The following STAG1 variants were observed in gnomAD, a reference collection of about 807,000 sequenced individuals.
STAG1 encodes the protein STAG1 cohesin complex component, also known as cohesin subunit SA-1.
Under a neutral mutation model 170.9 loss-of-function variants are expected in STAG1, and 26 were observed. The ratio of observed to expected loss-of-function variants is 0.15; its 90% CI spans 0.11 to 0.21. STAG1 has a LOEUF of 0.21. Among genes scored for constraint, STAG1 ranks in the 10% least tolerant of loss-of-function variants. The probability of loss-of-function intolerance (pLI) is 1.00; values close to 1 mark genes in which losing one functional copy is unlikely to be tolerated. For missense variants in STAG1, 964 were observed against 1,509.5 expected (o/e 0.64, Z 5.99); for synonymous variants, 514 against 497.7 (o/e 1.03, Z -0.44).
chr3:136,355,351 TAAA>T (rs370605205), intron 28 of STAG1, among the ~76,000 whole-genome samples: 2 of 29,994 alleles, frequency 6.7e-5, no homozygotes, highest in African/African-American at 1.4e-4. Flanking sequence ...GACTCCATCT[TAAA>T]AAAAAAAAAA....
At chr3:136,536,361 G>A (rs183240216) in intron 6 of STAG1, among the ~76,000 whole-genome samples, 313 of 152,224 alleles carry the variant, frequency 2.1e-3, no homozygotes, top group African/African-American at 6.7e-3. Flanking sequence ...AACTGAAAAA[G>A]TGTAACTGTT....
At position 136,510,992 on chromosome 3, in the gene STAG1, G is replaced by A. The variant is rs558617373; in HGVS notation, c.677-8213C>T. ...TCACCATGTTGGCCAGGCTAGTCTCGAACTCCTGACCTCAAGTAATCCACC... is the reference window on the plus strand; with the variant it reads ...TCACCATGTTGGCCAGGCTAGTCTCAAACTCCTGACCTCAAGTAATCCACC... On this transcript the variant is annotated intron_variant, in intron 7 of 33. Transcript: ENST00000383202. Among the ~76,000 whole-genome samples the A allele has an allele frequency of 4.6e-5, 7 of 152,048 alleles. No homozygotes were observed. The South Asian group carries it at 6.2e-4, about 14-fold the overall frequency.
At chr3:136,373,646 C>T (rs1454385640) in intron 23 of STAG1, among the ~76,000 whole-genome samples, 2 of 152,072 alleles carry the variant, frequency 1.3e-5, no homozygotes, top group Admixed American at 6.6e-5. Flanking sequence ...GGTTTCCATG[C>T]AGTTGAGCGG....
rs1160244902 is a variant in STAG1 at position 136,606,713 on chromosome 3, G to A, written c.133-2240C>T. Among the ~76,000 whole-genome samples, 3 of 151,470 alleles carry A rather than the reference G, an allele frequency of 2.0e-5. No individual in the cohort carries two copies. The East Asian group carries it at 5.8e-4, about 29-fold the overall frequency. On this transcript the variant is annotated intron_variant, in intron 3 of 33. Transcript: ENST00000383202. ...GATGTTTTTGTCATAACTAGACAAGGGATTATGGGATTTGAGAAGAAAGGA... is the reference window on the plus strand; with the variant it reads ...GATGTTTTTGTCATAACTAGACAAGAGATTATGGGATTTGAGAAGAAAGGA...
chr3:136,425,969 T>A (rs1045660914), intron 16 of STAG1, among the ~76,000 whole-genome samples: 1 of 150,400 alleles, frequency 6.6e-6, no homozygotes, highest in Non-Finnish European at 1.5e-5. Context: ...ATCTCTCAGT[T>A]TTTTTTTTCT....
chr3:136,740,024 C>T (rs6799699), intron 1 of STAG1, among the ~76,000 whole-genome samples: 54,774 of 151,984 alleles, frequency 0.36, 11,140 homozygotes, highest in African/African-American at 0.56. Context: ...TCTTACTCTG[C>T]GTTTGCTTTT....
intron 29 of STAG1, chr3:136,348,889 G>A (rs1936333909): frequency 2.2e-6 from 1 of 458,186 alleles, no homozygotes; most frequent in African/African-American, 2.0e-5. Context: ...GAGGCATATA[G>A]TATGGGGATT....
intron 1 of STAG1, among the ~76,000 whole-genome samples, chr3:136,641,688 C>T (rs924497365): frequency 6.6e-6 from 1 of 152,328 alleles, no homozygotes; most frequent in African/African-American, 2.4e-5. Flanking sequence ...AAAAACTAAA[C>T]TCGTGTGATC....
intron 1 of STAG1, among the ~76,000 whole-genome samples, chr3:136,637,406 A>G (rs1940609066): frequency 6.6e-6 from 1 of 152,228 alleles, no homozygotes. Context: ...AGCAGACAGA[A>G]GGATATTTTA....
intron 4 of STAG1, among the ~76,000 whole-genome samples, chr3:136,597,630 A>T (rs1483870765): frequency 1.3e-5 from 2 of 152,188 alleles, no homozygotes; most frequent in Non-Finnish European, 2.9e-5. Context: ...TTAATGCCAT[A>T]CAGAAAAGGC....
intron 7 of STAG1, 92 bp downstream of exon 7, chr3:136,521,120 AT>A: frequency 1.9e-6 from 2 of 1,067,316 alleles, no homozygotes; most frequent in East Asian, 5.2e-5. Flanking sequence ...TTCTAATTAA[AT>A]TTTTAATTAA....
At chr3:136,421,820 C>T (rs2087965881) in intron 19 of STAG1, among the ~76,000 whole-genome samples, 2 of 148,888 alleles carry the variant, frequency 1.3e-5, no homozygotes, top group African/African-American at 4.8e-5. Context: ...AATTAGGTCC[C>T]AGAAATAGAA....
intron 28 of STAG1, among the ~76,000 whole-genome samples, chr3:136,352,580 T>C (rs1301338963): frequency 6.6e-6 from 1 of 152,200 alleles, no homozygotes; most frequent in African/African-American, 2.4e-5. Context: ...AAGCAATGAT[T>C]ATAAATACAA....
intron 5 of STAG1, among the ~76,000 whole-genome samples, chr3:136,543,705 C>T (rs1012779130): frequency 9.2e-5 from 14 of 152,202 alleles, no homozygotes; most frequent in African/African-American, 3.4e-4. Context: ...GTGATAATAT[C>T]ACTGCAGAGC....
intron 1 of STAG1, among the ~76,000 whole-genome samples, chr3:136,748,834 T>C (rs1010091152): frequency 6.6e-6 from 1 of 152,238 alleles, no homozygotes; most frequent in Non-Finnish European, 1.5e-5. Flanking sequence ...GTTTTTATTT[T>C]TAATTTCCTC....
At chr3:136,712,305 C>T (rs918871795) in intron 1 of STAG1, among the ~76,000 whole-genome samples, 1 of 152,020 alleles carries the variant, frequency 6.6e-6, no homozygotes, top group Non-Finnish European at 1.5e-5. Flanking sequence ...TGTGAGCCAC[C>T]GCACCCAGCC....
intron 9 of STAG1, among the ~76,000 whole-genome samples, chr3:136,489,855 T>C (rs1423390950): frequency 6.6e-6 from 1 of 151,884 alleles, no homozygotes; most frequent in Non-Finnish European, 1.5e-5. Flanking sequence ...TAGTAAAGAG[T>C]GTTACAGAGA....
At chr3:136,624,079 A>G (rs1212014490) in intron 2 of STAG1, among the ~76,000 whole-genome samples, 4 of 152,004 alleles carry the variant, frequency 2.6e-5, no homozygotes, top group African/African-American at 4.8e-5. Flanking sequence ...TTTTAAAGAT[A>G]ATTTTTGCCC....
rs557042067 is a variant in STAG1 at position 136,617,858 on chromosome 3, T to G, written c.132+5288A>C. Reference sequence around the variant, plus strand: ...TTAAAAGAAAAAAAAACTTTGGAATTTGAATATTATGAAATTCCCAACAGT... The same window carrying G: ...TTAAAAGAAAAAAAAACTTTGGAATGTGAATATTATGAAATTCCCAACAGT... On this transcript the variant is annotated intron_variant, in intron 3 of 33. Coordinates refer to ENST00000383202, the MANE Select transcript of STAG1 (RefSeq NM_005862.3). 1.6e-4 allele frequency among the ~76,000 whole-genome samples: 24 copies of G among 152,308 alleles called. 1 individual carries two copies. The highest frequency in any genetic ancestry group is 4.6e-4 in the Admixed American group (7 of 15,292).
Sources: allele counts gnomAD v4.1 joint callset (sites outside exome capture counted in the v4.1 genomes callset), GRCh38; gene constraint gnomAD v4.1.1; transcripts MANE v1.5; gene names NCBI Gene and HGNC (gene_info 2026-07-23, HGNC 2026-07-21).